Variants in SNTG1 observed in about 807,000 individuals in gnomAD.
SNTG1 encodes syntrophin gamma 1, also known as gamma-1-syntrophin.
A neutral mutation model predicts 74.7 loss-of-function variants in SNTG1; 39 were observed. That is an observed-to-expected ratio of 0.52 (90% CI 0.40 to 0.68). The LOEUF (loss-of-function observed/expected upper bound fraction) is 0.68, where lower values mean the gene tolerates loss of function less well. Among genes scored for constraint, SNTG1 ranks in the 30% least tolerant of loss-of-function variants. SNTG1 has a pLI of 0.00. For missense variants in SNTG1, 685 were observed against 609.5 expected, an observed-to-expected ratio of 1.12 and a Z score of -1.30; for synonymous variants, 254 against 217.1, an observed-to-expected ratio of 1.17 and a Z score of -1.49.
intron 2 of SNTG1, among the ~76,000 whole-genome samples, chr8:50,225,028 T>G (rs1017783137): frequency 6.6e-6 from 1 of 152,052 alleles, no homozygotes; most frequent in African/African-American, 2.4e-5. Flanking sequence ...TGGAGTGCAG[T>G]GGCGTGATCT....
At chr8:49,929,412 G>A (rs1458522829) in intron 1 of SNTG1, among the ~76,000 whole-genome samples, 2 of 152,188 alleles carry the variant, frequency 1.3e-5, no homozygotes, top group Admixed American at 1.3e-4. Flanking sequence ...GCTTGTGCAG[G>A]CCATCCCTGA....
intron 2 of SNTG1, among the ~76,000 whole-genome samples, chr8:50,376,304 T>C (rs188976994): frequency 2.6e-5 from 4 of 152,178 alleles, no homozygotes; most frequent in South Asian, 2.1e-4. Context: ...TGAACCAGAC[T>C]CTTGCTATTC....
chr8:50,731,645 G>C (rs1417898971), intron 17 of SNTG1, among the ~76,000 whole-genome samples: 1 of 151,912 alleles, frequency 6.6e-6, no homozygotes, highest in Non-Finnish European at 1.5e-5. Context: ...CAGCTATAAG[G>C]CATTTACAAT....
chr8:50,592,286 T>C (rs1352051577), intron 13 of SNTG1, among the ~76,000 whole-genome samples: 1 of 152,216 alleles, frequency 6.6e-6, no homozygotes, highest in Non-Finnish European at 1.5e-5. Context: ...TTTTGTAAGT[T>C]CCTCTCCAAA....
At chr8:50,081,646 A>G (rs949848132) in intron 1 of SNTG1, among the ~76,000 whole-genome samples, 3 of 150,888 alleles carry the variant, frequency 2.0e-5, no homozygotes, top group Non-Finnish European at 4.4e-5. Flanking sequence ...TTTGTTTGGT[A>G]TTTTTTAGAT....
intron 11 of SNTG1, among the ~76,000 whole-genome samples, chr8:50,537,647 AT>A (rs1347348931): frequency 6.6e-6 from 1 of 151,600 alleles, no homozygotes. Flanking sequence ...GATTGTTTCC[AT>A]TTCTTAAGTT....
chr8:50,365,784 G>C (rs1433155860), intron 2 of SNTG1, among the ~76,000 whole-genome samples: 1 of 152,036 alleles, frequency 6.6e-6, no homozygotes, highest in Admixed American at 6.6e-5. Context: ...CAAATTACGA[G>C]TGGTAAAGAC....
chr8:50,444,041 G>A (rs568642050), intron 5 of SNTG1, among the ~76,000 whole-genome samples: 61 of 152,078 alleles, frequency 4.0e-4, no homozygotes, highest in Non-Finnish European at 7.8e-4. Context: ...GGGAGGCTGA[G>A]ACAGGAGAAT....
intron 5 of SNTG1, among the ~76,000 whole-genome samples, chr8:50,440,387 A>G (rs1467156485): frequency 6.6e-6 from 1 of 151,810 alleles, no homozygotes; most frequent in Non-Finnish European, 1.5e-5. Context: ...TTTTATTGTG[A>G]TTATTTAGAT....
intron 4 of SNTG1, among the ~76,000 whole-genome samples, chr8:50,409,961 G>A (rs890711178): frequency 6.6e-6 from 1 of 152,118 alleles, no homozygotes; most frequent in Non-Finnish European, 1.5e-5. Flanking sequence ...TCAGTGTAAT[G>A]GGCACCATTA....
Position 50,006,289 on chromosome 8 carries a change from C to T in SNTG1, c.-103+94058C>T, listed in dbSNP as rs575171346. Among the ~76,000 whole-genome samples the T allele has an allele frequency of 2.6e-5, 4 of 152,164 alleles. No individual in the cohort carries two copies. The South Asian group carries it at 8.3e-4, about 32-fold the overall frequency. On this transcript the variant is annotated intron_variant, in intron 1 of 18. Coordinates refer to ENST00000642720, the MANE Select transcript of SNTG1 (RefSeq NM_018967.5). ...TAGCACTTTTTGATAACTTCTATTCCTTTGTTAAAATTTTCTATATTTTCA... is the reference window on the plus strand; with the variant it reads ...TAGCACTTTTTGATAACTTCTATTCTTTTGTTAAAATTTTCTATATTTTCA...
chr8:50,421,445 G>T (rs1003273339), intron 4 of SNTG1, among the ~76,000 whole-genome samples: 2 of 152,094 alleles, frequency 1.3e-5, no homozygotes, highest in African/African-American at 2.4e-5. Flanking sequence ...GTGTAGCAGT[G>T]AGGAACACCA....
At chr8:50,029,078 TC>T (rs1817524964) in intron 1 of SNTG1, among the ~76,000 whole-genome samples, 1 of 152,274 alleles carries the variant, frequency 6.6e-6, no homozygotes, top group Non-Finnish European at 1.5e-5. Context: ...GTTTGTATTT[TC>T]ATCTTATTAA....
intron 1 of SNTG1, among the ~76,000 whole-genome samples, chr8:50,150,662 T>G (rs2082035271): frequency 1.3e-5 from 2 of 152,364 alleles, no homozygotes; most frequent in Admixed American, 1.3e-4. Context: ...CATGTGGTTT[T>G]TGTCTTTGGT....
At chr8:50,690,747 G>T (rs1336170384) in intron 15 of SNTG1, among the ~76,000 whole-genome samples, 2 of 152,182 alleles carry the variant, frequency 1.3e-5, no homozygotes, top group Non-Finnish European at 2.9e-5. Flanking sequence ...GGCAAGTTCT[G>T]CAGATGTCTA....
chr8:50,023,018 C>T (rs1816957124), intron 1 of SNTG1, among the ~76,000 whole-genome samples: 1 of 152,156 alleles, frequency 6.6e-6, no homozygotes. Flanking sequence ...TTAATGTTTT[C>T]TGTGAATATA....
chr8:50,200,112 C>T (rs890384691), intron 2 of SNTG1, among the ~76,000 whole-genome samples: 1 of 152,094 alleles, frequency 6.6e-6, no homozygotes, highest in African/African-American at 2.4e-5. Flanking sequence ...TTTCTTAGCC[C>T]CTGCTTCCTG....
chr8:49,986,904 A>ATTT (rs1475646333), intron 1 of SNTG1, among the ~76,000 whole-genome samples: 1 of 152,090 alleles, frequency 6.6e-6, no homozygotes, highest in Non-Finnish European at 1.5e-5. Flanking sequence ...TAAATATGTA[A>ATTT]ATATAAATAA....
At chr8:50,187,771 G>A (rs1473610085) in intron 2 of SNTG1, among the ~76,000 whole-genome samples, 1 of 152,114 alleles carries the variant, frequency 6.6e-6, no homozygotes, top group Non-Finnish European at 1.5e-5. Flanking sequence ...TGGTAATTTT[G>A]CAAAAGCACT....
Sources: gnomAD v4.1 joint callset for allele counts (sites outside exome capture counted in the v4.1 genomes callset) on GRCh38, gnomAD v4.1.1 for gene constraint, MANE v1.5 for transcripts, NCBI Gene and HGNC (gene_info 2026-07-23, HGNC 2026-07-21) for gene names.